Variants in SHISA9 observed in about 807,000 individuals in gnomAD.
The protein encoded by SHISA9 is protein shisa-9.
A neutral mutation model predicts 38.0 loss-of-function variants in SHISA9; 13 were observed. The ratio of observed to expected loss-of-function variants is 0.34; its 90% CI spans 0.22 to 0.54. The LOEUF is 0.54. SHISA9 is among the 20% of genes least tolerant of loss of function. The pLI is 0.91. For missense variants in SHISA9, 538 were observed against 575.8 expected, an observed-to-expected ratio of 0.93 and a Z score of 0.67; for synonymous variants, 275 against 242.0, an observed-to-expected ratio of 1.14 and a Z score of -1.27.
intron 2 of SHISA9, among the ~76,000 whole-genome samples, chr16:13,185,930 C>T (rs67162504): frequency 0.14 from 21,455 of 152,070 alleles, 1,776 homozygotes; most frequent in African/African-American, 0.21. Flanking sequence ...TATAGGGAAA[C>T]GAGATAGGAT....
chr16:13,494,117 T>C, the SHISA9 span, among the ~76,000 whole-genome samples: 39 of 152,360 alleles, frequency 2.6e-4, no homozygotes, highest in African/African-American at 8.7e-4. Context: ...AGGAACAGTG[T>C]ACTCTGAGTA....
chr16:13,477,410 T>C, the SHISA9 span, among the ~76,000 whole-genome samples: 2 of 152,150 alleles, frequency 1.3e-5, no homozygotes, highest in Non-Finnish European at 2.9e-5. Context: ...AAAAGAATTC[T>C]AAGGCAGACA....
At chr16:13,115,416 C>G (rs925607140) in intron 2 of SHISA9, among the ~76,000 whole-genome samples, 2 of 152,170 alleles carry the variant, frequency 1.3e-5, no homozygotes, top group Non-Finnish European at 2.9e-5. Flanking sequence ...TTAAGGGAAA[C>G]GAAGGGATGG....
chr16:13,423,030 T>C, the SHISA9 span, among the ~76,000 whole-genome samples: 1 of 152,234 alleles, frequency 6.6e-6, no homozygotes, highest in African/African-American at 2.4e-5. Context: ...TGCATGGTCT[T>C]GCACAAATAA....
chr16:13,370,142 A>C, the SHISA9 span, among the ~76,000 whole-genome samples: 22 of 152,290 alleles, frequency 1.4e-4, no homozygotes, highest in African/African-American at 5.3e-4. Context: ...AGTGGGGTAT[A>C]AGGTATTTCC....
chr16:13,248,916 C>A, the SHISA9 span, among the ~76,000 whole-genome samples: 1 of 152,150 alleles, frequency 6.6e-6, no homozygotes, highest in Non-Finnish European at 1.5e-5. Context: ...GTGCATTACT[C>A]TAGAATTGGC....
the SHISA9 span, among the ~76,000 whole-genome samples, chr16:13,367,289 C>T: frequency 2.7e-5 from 4 of 148,054 alleles, no homozygotes; most frequent in Non-Finnish European, 5.9e-5. Context: ...TTCTGTGGTC[C>T]CCATTATGTT....
chr16:13,502,912 A>G, the SHISA9 span, among the ~76,000 whole-genome samples: 1 of 152,060 alleles, frequency 6.6e-6, no homozygotes, highest in African/African-American at 2.4e-5. Context: ...AATAAAATAA[A>G]TCTACTGGGA....
chr16:13,384,432 G>A, the SHISA9 span, among the ~76,000 whole-genome samples: 9 of 152,196 alleles, frequency 5.9e-5, no homozygotes, highest in African/African-American at 2.2e-4. Context: ...GGACTTCAGG[G>A]GCCATGGTTA....
chr16:13,313,060 C>G, the SHISA9 span, among the ~76,000 whole-genome samples: 7 of 150,990 alleles, frequency 4.6e-5, no homozygotes, highest in Admixed American at 4.6e-4. Flanking sequence ...TCGAGACCAT[C>G]CCGGCTAAAA....
chr16:13,013,847 C>T (rs1452288283), intron 2 of SHISA9, among the ~76,000 whole-genome samples: 3 of 152,188 alleles, frequency 2.0e-5, no homozygotes, highest in African/African-American at 7.2e-5. Flanking sequence ...CCTGCCTCAG[C>T]CTCCTGAGTA....
chr16:13,325,623 A>C, the SHISA9 span, among the ~76,000 whole-genome samples: 2 of 152,336 alleles, frequency 1.3e-5, no homozygotes, highest in South Asian at 2.1e-4. Context: ...CACCTAGGAC[A>C]GCCAGTGGTG....
intron 2 of SHISA9, among the ~76,000 whole-genome samples, chr16:13,149,963 A>T (rs1447977497): frequency 1.3e-5 from 2 of 148,186 alleles, no homozygotes; most frequent in Non-Finnish European, 3.0e-5. Context: ...AAAGATAATC[A>T]TGAAAAGAGC....
chr16:13,004,952 A>AG, intron 2 of SHISA9, among the ~76,000 whole-genome samples: 1 of 75,848 alleles, frequency 1.3e-5, no homozygotes, highest in Non-Finnish European at 2.5e-5. Flanking sequence ...AGAAAAAAAA[A>AG]AAAAAAGAAA....
At chr16:12,913,879 C>A (rs34964897) in intron 1 of SHISA9, among the ~76,000 whole-genome samples, 34,585 of 151,926 alleles carry the variant, frequency 0.23, 4,788 homozygotes, top group Non-Finnish European at 0.31. Flanking sequence ...ATTCCATTTC[C>A]TGTAACACAT....
chr16:13,358,356 C>T, the SHISA9 span, among the ~76,000 whole-genome samples: 1 of 152,108 alleles, frequency 6.6e-6, no homozygotes, highest in Non-Finnish European at 1.5e-5. Context: ...TTTAAAAAGT[C>T]TCTCTTCTAA....
chr16:13,296,228 T>C, the SHISA9 span, among the ~76,000 whole-genome samples: 8 of 152,066 alleles, frequency 5.3e-5, no homozygotes, highest in Non-Finnish European at 8.8e-5. Flanking sequence ...TTTTTTTTTT[T>C]TCTCTGCAAC....
chr16:13,494,229 C>T, the SHISA9 span, among the ~76,000 whole-genome samples: 2 of 152,204 alleles, frequency 1.3e-5, no homozygotes, highest in Admixed American at 1.3e-4. Flanking sequence ...TATTTCTCCT[C>T]TGCCCACACT....
intron 2 of SHISA9, among the ~76,000 whole-genome samples, chr16:12,952,749 A>G (rs949635185): frequency 3.3e-5 from 5 of 152,130 alleles, no homozygotes; most frequent in Admixed American, 6.5e-5. Context: ...ACCTTCCACC[A>G]TGATTGTAAG....
Sources: allele counts gnomAD v4.1 joint callset (sites outside exome capture counted in the v4.1 genomes callset), GRCh38; gene constraint gnomAD v4.1.1; transcripts MANE v1.5; gene names NCBI Gene and HGNC (gene_info 2026-07-23, HGNC 2026-07-21).